LIMCH1: variants seen among roughly 807,000 people sequenced by gnomAD.
LIMCH1 encodes LIM and calponin homology domains 1.
In LIMCH1, 113 loss-of-function variants were observed where a neutral mutation model predicts 176.5. That is an observed-to-expected ratio of 0.64 (90% confidence interval 0.55 to 0.75). LIMCH1 has a LOEUF of 0.75. Ranked by LOEUF, LIMCH1 falls within the 30% of genes least tolerant of loss-of-function variation. The pLI is 0.00. For missense variants in LIMCH1, 1,674 were observed against 1,814.9 expected, an observed-to-expected ratio of 0.92 and a Z score of 1.41; for synonymous variants, 619 against 645.9, an observed-to-expected ratio of 0.96 and a Z score of 0.63.
At chr4:41,486,959 TACACACACACACATACATACACACAC>T (rs1301580927) in intron 1 of LIMCH1, among the ~76,000 whole-genome samples, 2 of 115,956 alleles carry the variant, frequency 1.7e-5, no homozygotes, top group African/African-American at 6.8e-5. Context: ...TATATATATA[TACACACACACACATACATACACACAC>T]ACACACACAC....
chr4:41,651,462 A>G (rs923938358), intron 18 of LIMCH1, among the ~76,000 whole-genome samples: 1 of 152,204 alleles, frequency 6.6e-6, no homozygotes, highest in African/African-American at 2.4e-5. Context: ...GAATTTTGGG[A>G]GACACAATTC....
chr4:41,363,031 T>G (rs1258231401), intron 1 of LIMCH1, among the ~76,000 whole-genome samples: 4 of 152,168 alleles, frequency 2.6e-5, no homozygotes, highest in African/African-American at 9.7e-5. Flanking sequence ...TCCTTTCAAT[T>G]GTTGGGTTCA....
At chr4:41,686,236 G>C (rs192828852) in intron 28 of LIMCH1, among the ~76,000 whole-genome samples, 1 of 152,032 alleles carries the variant, frequency 6.6e-6, no homozygotes, top group African/African-American at 2.4e-5. Context: ...ATTTAATTTT[G>C]TAAGAAAGTA....
intron 17 of LIMCH1, among the ~76,000 whole-genome samples, chr4:41,649,197 C>T (rs909979641): frequency 1.3e-5 from 2 of 152,074 alleles, no homozygotes; most frequent in South Asian, 2.1e-4. Flanking sequence ...ACCAGGAGTT[C>T]GAGACCAGTC....
intron 31 of LIMCH1, among the ~76,000 whole-genome samples, chr4:41,696,652 G>A (rs1730889039): frequency 6.6e-6 from 1 of 152,074 alleles, no homozygotes; most frequent in South Asian, 2.1e-4. Flanking sequence ...AAAATTCTGT[G>A]TCGTTTATCT....
At chr4:41,533,044 T>C (rs1463417156) in intron 3 of LIMCH1, among the ~76,000 whole-genome samples, 4 of 152,140 alleles carry the variant, frequency 2.6e-5, no homozygotes, top group Admixed American at 1.3e-4. Context: ...ATTGGCAGGA[T>C]TCAGTTCCTC....
intron 22 of LIMCH1, 110 bp from the exon 23 acceptor site, chr4:41,676,272 C>T (rs1414439734): frequency 4.1e-6 from 3 of 722,978 alleles, no homozygotes; most frequent in Non-Finnish European, 4.7e-6. Context: ...GCCTTCTGCT[C>T]CTGTGTGTCA....
intron 2 of LIMCH1, among the ~76,000 whole-genome samples, chr4:41,512,986 G>GA (rs1049223946): frequency 6.8e-4 from 104 of 152,292 alleles, no homozygotes; most frequent in African/African-American, 2.4e-3. Flanking sequence ...AAGTCATCTA[G>GA]AAATCTCATT....
chr4:41,496,837 C>T (rs1483122134), intron 2 of LIMCH1, among the ~76,000 whole-genome samples: 1 of 152,180 alleles, frequency 6.6e-6, no homozygotes, highest in Non-Finnish European at 1.5e-5. Flanking sequence ...GGCTCCCAGA[C>T]AGTGGAGCCA....
At chr4:41,625,154 CT>C (rs780807831) in intron 7 of LIMCH1, among the ~76,000 whole-genome samples, 2 of 152,164 alleles carry the variant, frequency 1.3e-5, no homozygotes, top group South Asian at 2.1e-4. Flanking sequence ...GTTCAGATGG[CT>C]TGAGCTAGAG....
At chr4:41,386,072 A>C (rs1317169612) in intron 1 of LIMCH1, 1 of 152,250 alleles carries the variant, frequency 6.6e-6, no homozygotes, top group African/African-American at 2.4e-5. Context: ...CAATGAATTG[A>C]TACATTGATT....
At chr4:41,613,008 T>G in intron 4 of LIMCH1, 1 of 1,551,646 alleles carries the variant, frequency 6.4e-7, no homozygotes, top group South Asian at 1.2e-5. Context: ...ATTTGCCAGA[T>G]AGTATAAACA....
chr4:41,444,569 C>T (rs959558867), intron 1 of LIMCH1, among the ~76,000 whole-genome samples: 15 of 152,158 alleles, frequency 9.9e-5, no homozygotes, highest in Admixed American at 8.5e-4. Context: ...CTGGGAATCT[C>T]TACCTCTCAT....
intron 17 of LIMCH1, among the ~76,000 whole-genome samples, chr4:41,648,086 C>G (rs553415450): frequency 4.7e-4 from 72 of 152,302 alleles, no homozygotes; most frequent in Admixed American, 2.4e-3. Context: ...CTCATGTGTG[C>G]TCAGTGGTCC....
At chr4:41,399,840 A>ATTTTTTTTTTTTTTTTTTT (rs71198650) in intron 1 of LIMCH1, among the ~76,000 whole-genome samples, 4 of 114,118 alleles carry the variant, frequency 3.5e-5, no homozygotes, top group African/African-American at 1.2e-4. Context: ...TGCCCGGCTA[A>ATTTTTTTTTTTTTTTTTTT]TTTTTTTTTT....
chr4:41,646,225 G>T lies in LIMCH1; in HGVS notation c.2356G>T (p.Gly786Trp). 6.2e-7 allele frequency: 1 copy of T among 1,613,762 alleles called. No individual in the cohort carries two copies. The highest frequency in any genetic ancestry group is 8.5e-7 in the Non-Finnish European group (1 of 1,179,952). Residue 786 changes from glycine to tryptophan, a missense_variant, in exon 16 of 32, where the codon GGG (glycine) becomes TGG (tryptophan). By Grantham distance (184) the Gly-to-Trp change is radical. Coordinates refer to ENST00000503057, the MANE Select transcript of LIMCH1 (RefSeq NM_001330672.2). ...KMEKLLAGED[G>W]TSERRKSIKT... ...GGAGAAGTTACTGGCTGGAGAAGAT[G>T]GGACAAGTGAACGAAGGAAAAGCAT...
chr4:41,484,526 T>A (rs2154169312), intron 1 of LIMCH1, among the ~76,000 whole-genome samples: 1 of 152,334 alleles, frequency 6.6e-6, no homozygotes, highest in South Asian at 2.1e-4. Context: ...ATTTCACAAT[T>A]TAGGTATAAA....
intron 1 of LIMCH1, among the ~76,000 whole-genome samples, chr4:41,490,882 T>C (rs1416117597): frequency 3.5e-3 from 258 of 74,772 alleles, no homozygotes; most frequent in Middle Eastern, 0.013. Context: ...CAGAGGCACT[T>C]CTCACTTCCC....
At chr4:41,453,438 C>CA (rs2064143027) in intron 1 of LIMCH1, 1 of 152,038 alleles carries the variant, frequency 6.6e-6, no homozygotes, top group African/African-American at 2.4e-5. Context: ...TGTATTCTTA[C>CA]AATAAAGTAA....
Sources: allele counts gnomAD v4.1 joint callset (sites outside exome capture counted in the v4.1 genomes callset), GRCh38; gene constraint gnomAD v4.1.1; transcripts MANE v1.5; gene names NCBI Gene and HGNC (gene_info 2026-07-23, HGNC 2026-07-21).